PHEX: variants seen among roughly 807,000 people sequenced by gnomAD.
PHEX encodes the protein phosphate-regulating neutral endopeptidase PHEX.
Under a neutral mutation model 68.0 loss-of-function variants are expected in PHEX, and 16 were observed. That is an observed-to-expected ratio of 0.24 (90% CI 0.16 to 0.36). PHEX has a LOEUF of 0.36. PHEX is among the 10% of genes least tolerant of loss of function. PHEX has a pLI of 1.00. For missense variants in PHEX, 480 were observed against 575.5 expected, an observed-to-expected ratio of 0.83 and a Z score of 1.70; for synonymous variants, 208 against 205.1, an observed-to-expected ratio of 1.01 and a Z score of -0.12.
intron 9 of PHEX, among the ~76,000 whole-genome samples, chrX:22,106,664 C>T (rs931163877): frequency 9.2e-6 from 1 of 109,117 alleles, no homozygotes; most frequent in Non-Finnish European, 1.9e-5. Flanking sequence ...GTCCCAGCTA[C>T]TTGGGAGGCT....
At chrX:22,230,457 CAGTGGTTTGTAGTTATCCTTGAAG>C (rs1318253078) in intron 20 of PHEX, among the ~76,000 whole-genome samples, 1 of 84,632 alleles carries the variant, frequency 1.2e-5, no homozygotes, top group Non-Finnish European at 2.4e-5. Context: ...TTTCCTTGAG[CAGTGGTTTGTAGTTATCCTTGAAG>C]AGGTCCTTTA....
chrX:22,101,298 G>C (rs766505545), intron 9 of PHEX, among the ~76,000 whole-genome samples: 8 of 112,491 alleles, frequency 7.1e-5, no homozygotes, highest in African/African-American at 2.3e-4. Flanking sequence ...TCAATACAAC[G>C]TACACATCAT....
chrX:22,034,317 C>G (rs753755043), intron 1 of PHEX, among the ~76,000 whole-genome samples: 60 of 111,822 alleles, frequency 5.4e-4, no homozygotes, highest in Non-Finnish European at 7.7e-4. Flanking sequence ...CAAATGCTCC[C>G]AAACTTAAAA....
intron 3 of PHEX, among the ~76,000 whole-genome samples, chrX:22,048,464 GTGTACACACACA>G (rs1927648854): frequency 9.0e-6 from 1 of 111,148 alleles, no homozygotes; most frequent in Non-Finnish European, 1.9e-5. Context: ...ATAGACAGAT[GTGTACACACACA>G]TGTGCACACA....
chrX:22,149,742 G>A (rs1602338925), intron 12 of PHEX, among the ~76,000 whole-genome samples: 1 of 112,907 alleles, frequency 8.9e-6, no homozygotes, highest in Non-Finnish European at 1.9e-5. Flanking sequence ...CGACAAGAGC[G>A]AGACTCCGTC....
intron 16 of PHEX, 45 bp from the exon 17 acceptor site, chrX:22,218,991 G>C (rs1249492794): frequency 2.2e-6 from 2 of 895,196 alleles, no homozygotes; most frequent in East Asian, 6.2e-5. Flanking sequence ...TATGCTCTGA[G>C]ATTCATGCTT....
intron 15 of PHEX, among the ~76,000 whole-genome samples, chrX:22,205,377 TG>T (rs1431825616): frequency 1.8e-5 from 2 of 111,578 alleles, no homozygotes; most frequent in Non-Finnish European, 3.8e-5. Context: ...TCAAAAGAGA[TG>T]TTGAATTTAA....
At chrX:22,086,597 C>T (rs899696012) in intron 5 of PHEX, among the ~76,000 whole-genome samples, 1 of 111,239 alleles carries the variant, frequency 9.0e-6, no homozygotes, top group Non-Finnish European at 1.9e-5. Context: ...GCAACTGATT[C>T]ATCCTTATAT....
At chrX:22,073,635 G>GTTTTT (rs1182752837) in intron 3 of PHEX, among the ~76,000 whole-genome samples, 3 of 53,217 alleles carry the variant, frequency 5.6e-5, no homozygotes, top group Non-Finnish European at 1.0e-4. Flanking sequence ...CTGTGCTATA[G>GTTTTT]TTTTTTTTTT....
chrX:22,185,275 T>C (rs1211978328), intron 14 of PHEX, among the ~76,000 whole-genome samples: 2 of 112,409 alleles, frequency 1.8e-5, no homozygotes, highest in Admixed American at 1.9e-4. Flanking sequence ...TCTCTGTTTA[T>C]TGAAGTGGAT....
In PHEX at chrX:22,077,708, A is replaced by G; in HGVS notation, c.663+6A>G. The G allele has an allele frequency of 8.6e-7, 1 of 1,159,378 alleles. No individual in the cohort carries two copies. The highest frequency in any genetic ancestry group is 1.2e-6 in the Non-Finnish European group (1 of 847,589). ...CCAATGAACATATCTTGAAGGTATA[A>G]TGAGGACCCATTCATCTTCTTTGCT... On this transcript the variant is annotated splice_donor_region_variant and intron_variant, in intron 5 of 21. Coordinates refer to ENST00000379374, the MANE Select transcript of PHEX (RefSeq NM_000444.6).
intron 15 of PHEX, among the ~76,000 whole-genome samples, chrX:22,205,312 C>T (rs754326297): frequency 8.9e-6 from 1 of 111,770 alleles, no homozygotes; most frequent in Admixed American, 9.6e-5. Flanking sequence ...TGTCCAGAGG[C>T]TGCTGCAGGG....
rs765419847 is a variant in PHEX at position 22,217,453 on chromosome X, A to C, written c.1701-1583A>C. Among the ~76,000 whole-genome samples, 7 of 112,361 alleles carry C rather than the reference A, an allele frequency of 6.2e-5. No homozygotes were observed. In the Admixed American group the frequency reaches 6.6e-4, roughly 11 times the overall value. ...CCACTTCCTTGGGTGTAGTTGAGAC[A>C]AACAGTTAGCATGGTAAGGATCATT... On this transcript the variant is annotated intron_variant, in intron 16 of 21. Transcript: ENST00000379374.
At chrX:22,159,940 C>G (rs988164085) in intron 12 of PHEX, among the ~76,000 whole-genome samples, 1 of 111,959 alleles carries the variant, frequency 8.9e-6, no homozygotes, top group Non-Finnish European at 1.9e-5. Flanking sequence ...TTGCTAATAC[C>G]TTATGTGATG....
chrX:22,043,578 G>A (rs1246374191), intron 2 of PHEX, among the ~76,000 whole-genome samples: 2 of 111,618 alleles, frequency 1.8e-5, no homozygotes, highest in Non-Finnish European at 3.8e-5. Flanking sequence ...AGTTTGTGAC[G>A]ATACCATATT....
chrX:22,076,388 A>C lies in PHEX; in HGVS notation c.350A>C (p.Glu117Ala). 2 of 1,203,721 alleles carry C rather than the reference A, an allele frequency of 1.7e-6. No homozygotes were observed. The highest frequency in any genetic ancestry group is 2.3e-6 in the Non-Finnish European group (2 of 888,081). The change falls in exon 4 of 22, where the codon GAA becomes GCA. Residue 117 changes from glutamate to alanine, a missense_variant and splice_region_variant. By Grantham distance (107) the Glu-to-Ala change is moderately radical. Coordinates refer to ENST00000379374, the MANE Select transcript of PHEX (RefSeq NM_000444.6). ...ATGAATCCTTTCTTAACCTTCCCAG[A>C]ACTTTTGGAGAAATCAATCAGTAGA... The part of the protein sequence containing the change: ...LRHNVDLKLK[E>A]LLEKSISRRR...
chrX:22,115,833 G>A (rs892354443), intron 11 of PHEX, among the ~76,000 whole-genome samples: 3 of 111,895 alleles, frequency 2.7e-5, no homozygotes, highest in Non-Finnish European at 5.6e-5. Context: ...TGCACACATC[G>A]CAGTTTCCTT....
chrX:22,248,907 A>AATGG lies in PHEX; in HGVS notation c.*954_*955insATGG, dbSNP rs1936470572. The AATGG allele has an allele frequency of 9.3e-6, 1 of 107,558 alleles. No homozygotes were observed. The highest frequency in any genetic ancestry group is 4.0e-4 in the South Asian group (1 of 2,529). 8.9% of individuals were successfully genotyped at this position (107,558 alleles called of 1,213,427 possible). On this transcript the variant is annotated 3_prime_UTR_variant, in exon 22 of 22. Coordinates refer to ENST00000379374, the MANE Select transcript of PHEX (RefSeq NM_000444.6). ...GAAAACAATTTTCTGATTCCCCATTAGGAACATATGATTTTCATTTCCCTT... is the reference window on the plus strand; with the variant it reads ...GAAAACAATTTTCTGATTCCCCATTAATGGGGAACATATGATTTTCATTTCCCTT...
chrX:22,223,565 G>A (rs930234788), intron 18 of PHEX, among the ~76,000 whole-genome samples: 2 of 111,762 alleles, frequency 1.8e-5, no homozygotes, highest in African/African-American at 3.3e-5. Flanking sequence ...GGAAACATAC[G>A]GAGACCCTGT....
Sources: gnomAD v4.1 joint callset for allele counts (sites outside exome capture counted in the v4.1 genomes callset) on GRCh38, gnomAD v4.1.1 for gene constraint, MANE v1.5 for transcripts, NCBI Gene and HGNC (gene_info 2026-07-23, HGNC 2026-07-21) for gene names.